Variants in CD1C observed in about 807,000 individuals in gnomAD.
CD1C encodes T-cell surface glycoprotein CD1c.
Under a neutral mutation model 39.4 loss-of-function variants are expected in CD1C, and 47 were observed. The observed-to-expected ratio is 1.19, with a 90% CI of 0.94 to 1.52. The LOEUF is 1.52. Among genes scored for constraint, CD1C ranks in the 40% most tolerant of loss-of-function variants. CD1C has a pLI of 0.00. For synonymous variants in CD1C, 165 were observed against 150.8 expected, an observed-to-expected ratio of 1.09 and a Z score of -0.69; for missense variants, 417 against 395.2, an observed-to-expected ratio of 1.06 and a Z score of -0.47.
At position 158,292,264 on chromosome 1, in the gene CD1C, A is replaced by G. The variant is rs1250587024; in HGVS notation, c.509A>G (p.Tyr170Cys). The G allele has an allele frequency of 6.2e-7, 1 of 1,614,212 alleles. No homozygotes were observed. Among genetic ancestry groups the G allele is most frequent in the Non-Finnish European group, 8.5e-7 (1 of 1,180,022 alleles). The stretch of plus-strand genomic sequence containing the variant: ...GTCTGTCATCTACTCAATCATCAGT[A>G]TGAAGGCGTCACAGAAACAGTGTAT... Reference protein sequence around the residue: ...QSVCHLLNHQYEGVTETVYNL... With the variant: ...QSVCHLLNHQCEGVTETVYNL... Residue 170 changes from tyrosine to cysteine, a missense_variant, in exon 3 of 6, where the codon TAT becomes TGT. By Grantham distance (194) the Tyr-to-Cys change is radical. Transcript: ENST00000368170.
At position 158,290,041 on chromosome 1, in the gene CD1C, G is replaced by A; in HGVS notation, c.-24G>A. 1 of 1,612,224 alleles carries A rather than the reference G, an allele frequency of 6.2e-7. No individual in the cohort carries two copies. The highest frequency in any genetic ancestry group is 8.5e-7 in the Non-Finnish European group (1 of 1,178,368). ...AGAGATCAGCAAACAGCTTTTCTGA[G>A]AGAAAGAAACATCTGCAAATGACAT... On this transcript the variant is annotated 5_prime_UTR_variant, in exon 1 of 6. Coordinates refer to ENST00000368170, the MANE Select transcript of CD1C (RefSeq NM_001765.3).
At chr1:158,292,004 C>A (rs985183986) in intron 2 of CD1C, 80 bp from the exon 3 acceptor site, 3 of 1,412,374 alleles carry the variant, frequency 2.1e-6, no homozygotes, top group African/African-American at 1.4e-5. Context: ...TGCTTCACTT[C>A]CTGATACAGC....
rs201167585 is a variant in CD1C, at chr1:158,291,287, C to T, written c.215C>T (p.Ser72Phe). The change falls in exon 2 of 6, where the codon TCC (serine) becomes TTC (phenylalanine). Residue 72 changes from serine (S) to phenylalanine (F), a missense_variant. Transcript: ENST00000368170. The stretch of plus-strand genomic sequence containing the variant: ...ACAATAATTTTCCTGCATAACTGGT[C>T]CAAGGGCAACTTCAGCAATGAAGAG... ...SGTIIFLHNW[S>F]KGNFSNEELS... The T allele has an allele frequency of 5.4e-5, 87 of 1,613,942 alleles. No homozygotes were observed. Among genetic ancestry groups the T allele is most frequent in the Non-Finnish European group, 7.2e-5 (85 of 1,180,012 alleles).
rs1650976908 is a variant in CD1C at position 158,290,045 on chromosome 1, A to G, written c.-20A>G. On this transcript the variant is annotated 5_prime_UTR_variant, in exon 1 of 6. Transcript: ENST00000368170. The stretch of plus-strand genomic sequence containing the variant: ...ATCAGCAAACAGCTTTTCTGAGAGA[A>G]AGAAACATCTGCAAATGACATGCTG... 6.2e-7 allele frequency: 1 copy of G among 1,612,760 alleles called. No individual in the cohort carries two copies. Among genetic ancestry groups the G allele is most frequent in the Non-Finnish European group, 8.5e-7 (1 of 1,178,854 alleles).
rs1334526324 is a variant in CD1C, at chr1:158,292,338, G to T, written c.583G>T (p.Ala195Ser). 1.2e-6 allele frequency: 2 copies of T among 1,614,088 alleles called. No homozygotes were observed. The highest frequency in any genetic ancestry group is 3.3e-5 in the Admixed American group (2 of 60,016). ...CPRFLLGLLD[A>S]GKMYVHRQVR... ...CCGATTTCTCTTGGGTCTCCTGGAT[G>T]CAGGGAAGATGTATGTACACAGGCA... Residue 195 changes from alanine (A) to serine (S), a missense_variant, in exon 3 of 6, where the codon GCA (alanine) becomes TCA (serine). Coordinates refer to ENST00000368170, the MANE Select transcript of CD1C (RefSeq NM_001765.3).
In CD1C at chr1:158,291,392, A is replaced by T. The variant is rs774520025; in HGVS notation, c.320A>T (p.Tyr107Phe). The part of the protein sequence containing the change: ...REIQDHASQD[Y>F]SKYPFEVQVK... Reference sequence around the variant, plus strand: ...ATTCAAGACCATGCAAGTCAAGATTACTCGAAATGTAAGTTCAATCATCTA... The same window carrying T: ...ATTCAAGACCATGCAAGTCAAGATTTCTCGAAATGTAAGTTCAATCATCTA... Residue 107 changes from tyrosine (Y) to phenylalanine (F), a missense_variant, in exon 2 of 6, where the codon TAC becomes TTC. Tyr to Phe is a conservative substitution (Grantham distance 22, BLOSUM62 3). Coordinates refer to ENST00000368170, the MANE Select transcript of CD1C (RefSeq NM_001765.3). The T allele has an allele frequency of 9.9e-6, 16 of 1,613,160 alleles. No individual in the cohort carries two copies. Among genetic ancestry groups the T allele is most frequent in the African/African-American group, 1.3e-5 (1 of 74,858 alleles).
chr1:158,291,166 C>G lies in CD1C; in HGVS notation c.94C>G (p.Gln32Glu). The G allele has an allele frequency of 6.2e-7, 1 of 1,613,640 alleles. No individual in the cohort carries two copies. Among genetic ancestry groups the G allele is most frequent in the Non-Finnish European group, 8.5e-7 (1 of 1,179,920 alleles). ...SQEHVSFHVI[Q>E]IFSFVNQSWA... is the part of the protein sequence containing the mutation. Reference sequence around the variant, plus strand: ...GGAACACGTCTCCTTCCATGTCATCCAGATCTTCTCATTTGTCAACCAATC... The same window carrying G: ...GGAACACGTCTCCTTCCATGTCATCGAGATCTTCTCATTTGTCAACCAATC... The change falls in exon 2 of 6, where the codon CAG becomes GAG. Residue 32 changes from glutamine to glutamate, a missense_variant. Transcript: ENST00000368170.
chr1:158,292,331 C>T lies in CD1C; in HGVS notation c.576C>T (p.Leu192=). The change falls in exon 3 of 6, where the codon CTC becomes CTT. Residue 192 remains leucine (L), a synonymous_variant. Transcript: ENST00000368170. ...CTTGCCCCCGATTTCTCTTGGGTCT[C>T]CTGGATGCAGGGAAGATGTATGTAC... ...RSTCPRFLLG[L]LDAGKMYVHR... The T allele has an allele frequency of 6.2e-7, 1 of 1,614,104 alleles. No homozygotes were observed. Among genetic ancestry groups the T allele is most frequent in the Non-Finnish European group, 8.5e-7 (1 of 1,180,014 alleles).
chr1:158,290,459 C>A (rs982714479), intron 1 of CD1C, among the ~76,000 whole-genome samples: 1 of 152,026 alleles, frequency 6.6e-6, no homozygotes, highest in Non-Finnish European at 1.5e-5. Flanking sequence ...GATGAAGCAA[C>A]CTTTCAATGC....
At chr1:158,292,439 T>G in intron 3 of CD1C, 74 bp downstream of exon 3, 1 of 1,526,826 alleles carries the variant, frequency 6.5e-7, no homozygotes. Context: ...CCCTTCAAAC[T>G]CAGGACAAGA....
chr1:158,293,337 T>C (rs1164943659), intron 5 of CD1C, 35 bp downstream of exon 5: 1 of 1,597,186 alleles, frequency 6.3e-7, no homozygotes, highest in Admixed American at 1.7e-5. Context: ...TCCTCCCAGT[T>C]TCTTATTTCA....
Position 158,294,072 on chromosome 1 carries a change from C to T in CD1C, c.*596C>T, listed in dbSNP as rs1314622602. Among the ~76,000 whole-genome samples, 2 of 152,188 alleles carry T rather than the reference C, an allele frequency of 1.3e-5. No homozygotes were observed. The highest frequency in any genetic ancestry group is 3.8e-4 in the East Asian group (2 of 5,200). On this transcript the variant is annotated 3_prime_UTR_variant, in exon 6 of 6. Transcript: ENST00000368170. ...CTCCTTAAACATTTAAGGAAAAGTGCAGCCTTGTGCCTTGATACACTTATT... is the reference window on the plus strand; with the variant it reads ...CTCCTTAAACATTTAAGGAAAAGTGTAGCCTTGTGCCTTGATACACTTATT...
At chr1:158,291,015 G>A (rs1651014692) in intron 1 of CD1C, 119 bp from the exon 2 acceptor site, 1 of 1,072,200 alleles carries the variant, frequency 9.3e-7, no homozygotes, top group Non-Finnish European at 1.3e-6. Flanking sequence ...AAATGGTATA[G>A]CTAAAGTAGT....
At position 158,293,632 on chromosome 1, in the gene CD1C, G is replaced by A. The variant is rs112725072; in HGVS notation, c.*156G>A. On this transcript the variant is annotated 3_prime_UTR_variant, in exon 6 of 6. Coordinates refer to ENST00000368170, the MANE Select transcript of CD1C (RefSeq NM_001765.3). ...TAAAAACCAAATTCTAATTTGGAAT[G>A]TTTTTCTTGGAATCTCCACTTTTTA... 1.9e-5 allele frequency: 30 copies of A among 1,552,898 alleles called. No homozygotes were observed. In the African/African-American group the frequency reaches 3.5e-4, roughly 18 times the overall value.
Position 158,292,666 on chromosome 1 carries a change from C to T in CD1C, c.681C>T (p.Ala227=). 2 of 1,613,906 alleles carry T rather than the reference C, an allele frequency of 1.2e-6. No homozygotes were observed. The highest frequency in any genetic ancestry group is 8.5e-7 in the Non-Finnish European group (1 of 1,180,040). ...GSGQLLLVCH[A]SGFYPKPVWV... is the part of the protein sequence containing the mutation. ...GCCAGCTGTTGCTGGTTTGTCATGC[C>T]TCCGGCTTCTACCCAAAGCCTGTTT... Residue 227 remains alanine, a synonymous_variant, in exon 4 of 6, where the codon GCC becomes GCT. Coordinates refer to ENST00000368170, the MANE Select transcript of CD1C (RefSeq NM_001765.3).
chr1:158,293,722 T>C lies in CD1C; in HGVS notation c.*246T>C. On this transcript the variant is annotated 3_prime_UTR_variant, in exon 6 of 6. Transcript: ENST00000368170. ...TCCTCCAACGATCTTCCTTGACCCA[T>C]ACTGAACCCAGAGAGCCCCTCAACT... 1 of 849,776 alleles carries C rather than the reference T, an allele frequency of 1.2e-6. No homozygotes were observed. The highest frequency in any genetic ancestry group is 1.8e-6 in the Non-Finnish European group (1 of 547,824). The allele number at this position is 849,776 out of a possible 1,614,324, so 52.6% of individuals were successfully genotyped here. A position where few individuals can be genotyped will look rare whatever the true frequency, so the allele number is the denominator to read the frequency against.
At chr1:158,291,686 A>C (rs750361827) in intron 2 of CD1C, among the ~76,000 whole-genome samples, 1 of 152,070 alleles carries the variant, frequency 6.6e-6, no homozygotes, top group Non-Finnish European at 1.5e-5. Flanking sequence ...TGACTCCCTT[A>C]AAATAAAATC....
Position 158,292,737 on chromosome 1 carries a change from A to G in CD1C, c.752A>G (p.His251Arg). 3.7e-6 allele frequency: 6 copies of G among 1,614,214 alleles called. No homozygotes were observed. Among genetic ancestry groups the G allele is most frequent in the Non-Finnish European group, 5.1e-6 (6 of 1,180,042 alleles). ...GAACAGGAGCAACTGGGCACTAAACATGGTGATATTCTTCCTAATGCTGAT... is the reference window on the plus strand; with the variant it reads ...GAACAGGAGCAACTGGGCACTAAACGTGGTGATATTCTTCCTAATGCTGAT... The part of the protein sequence containing the change: ...RNEQEQLGTK[H>R]GDILPNADGT... Residue 251 changes from histidine (H) to arginine (R), a missense_variant, in exon 4 of 6, where the codon CAT (histidine) becomes CGT (arginine). His to Arg is a conservative substitution (Grantham distance 29). Coordinates refer to ENST00000368170, the MANE Select transcript of CD1C (RefSeq NM_001765.3).
intron 1 of CD1C, 137 bp from the exon 2 acceptor site, chr1:158,290,997 T>C (rs886795032): frequency 7.8e-6 from 7 of 900,864 alleles, no homozygotes; most frequent in Non-Finnish European, 1.2e-5. Flanking sequence ...TGGGGCTCTG[T>C]GTAAGGAAAA....
Sources: allele counts gnomAD v4.1 joint callset (sites outside exome capture counted in the v4.1 genomes callset), GRCh38; gene constraint gnomAD v4.1.1; transcripts MANE v1.5; gene names NCBI Gene and HGNC (gene_info 2026-07-23, HGNC 2026-07-21).